EPPK1: variants seen among roughly 807,000 people sequenced by gnomAD.
The protein encoded by EPPK1 is epiplakin 1.
For synonymous variants in EPPK1, 1,862 were observed against 1,721.2 expected, an observed-to-expected ratio of 1.08 and a Z score of -2.03; for missense variants, 3,823 against 3,673.3, an observed-to-expected ratio of 1.04 and a Z score of -1.05.
In EPPK1 at chr8:143,868,982, G is replaced by A. The variant is rs781839543; in HGVS notation, c.4272C>T (p.Asp1424=). Residue 1424 remains aspartate (D), a synonymous_variant, in exon 2 of 2, where the codon GAC becomes GAT. Coordinates refer to ENST00000615648, the MANE Select transcript of EPPK1 (RefSeq NM_031308.4). ...YQQLRERCVC[D]SETGLLLLPL... is the part of the protein sequence containing the mutation. ...GCAACAGCAACAATCCGGTCTCGGAGTCGCACACGCAGCGCTCCCTGAGCT... is the reference window on the plus strand; with the variant it reads ...GCAACAGCAACAATCCGGTCTCGGAATCGCACACGCAGCGCTCCCTGAGCT... The A allele has an allele frequency of 1.9e-6, 3 of 1,610,172 alleles. No individual in the cohort carries two copies. Among genetic ancestry groups the A allele is most frequent in the Admixed American group, 3.3e-5 (2 of 60,010 alleles).
At position 143,866,535 on chromosome 8, in the gene EPPK1, T is replaced by G. The variant is rs1819111899; in HGVS notation, c.6719A>C (p.Gln2240Pro). ...LVPAKDQPGR[Q>P]EKMSIYQAMW... ...GGCCTGGTAGATGCTCATCTTCTCC[T>G]GGCGGCCGGGCTGGTCCTTGGCGGG... Residue 2240 changes from glutamine (Q) to proline (P), a missense_variant, in exon 2 of 2, where the codon CAG becomes CCG. By Grantham distance (76) the Gln-to-Pro change is moderately conservative. Coordinates refer to ENST00000615648, the MANE Select transcript of EPPK1 (RefSeq NM_031308.4). 6.9e-6 allele frequency: 11 copies of G among 1,585,962 alleles called. No individual in the cohort carries two copies. In the Admixed American group the frequency reaches 1.6e-4, roughly 23 times the overall value.
rs2130650893 is a variant in EPPK1, at chr8:143,872,666, A to G, written c.588T>C (p.Gly196=). The part of the protein sequence containing the change: ...HKLSELEPGT[G]DLRFLDPNTL... ...TGTTGGGGTCGAGGAAGCGCAGGTCACCTGTGCCAGGCTCAAGCTCTGACA... is the reference window on the plus strand; with the variant it reads ...TGTTGGGGTCGAGGAAGCGCAGGTCGCCTGTGCCAGGCTCAAGCTCTGACA... Residue 196 remains glycine, a synonymous_variant, in exon 2 of 2, where the codon GGT becomes GGC. Coordinates refer to ENST00000615648, the MANE Select transcript of EPPK1 (RefSeq NM_031308.4). 1.2e-6 allele frequency: 2 copies of G among 1,608,326 alleles called. No individual in the cohort carries two copies. Among genetic ancestry groups the G allele is most frequent in the Non-Finnish European group, 8.5e-7 (1 of 1,178,818 alleles).
chr8:143,869,737 G>A lies in EPPK1; in HGVS notation c.3517C>T (p.Pro1173Ser), dbSNP rs781982686. The change falls in exon 2 of 2, where the codon CCA becomes TCA. Residue 1173 changes from proline (P) to serine (S), a missense_variant. Transcript: ENST00000615648. ...CTCTGCACAGAGGCTAGCAGCTGTG[G>A]CACAGTGGTCCTCCCCTCCTGCACG... ...EDVQEGRTTV[P>S]QLLASVQRWV... The A allele has an allele frequency of 6.2e-6, 10 of 1,600,670 alleles. 1 individual carries two copies. The highest frequency in any genetic ancestry group is 1.1e-5 in the South Asian group (1 of 88,794).
rs139977710 is a variant in EPPK1, at chr8:143,867,202, C to T, written c.6052G>A (p.Asp2018Asn). The T allele has an allele frequency of 5.4e-4, 863 of 1,612,724 alleles. 3 individuals are homozygous for T. In the African/African-American group the frequency reaches 9.6e-3, roughly 18 times the overall value. Residue 2018 changes from aspartate to asparagine, a missense_variant, in exon 2 of 2, where the codon GAC (aspartate) becomes AAC (asparagine). Coordinates refer to ENST00000615648, the MANE Select transcript of EPPK1 (RefSeq NM_031308.4). ...EVQVATGGVI[D>N]PQHHHRLPLE... ...GGGAGCCGGTGGTGGTGCTGTGGGT[C>T]GATGACACCCCCCGTGGCCACCTGC...
chr8:143,876,533 C>A (rs1239832436), intron 1 of EPPK1, among the ~76,000 whole-genome samples: 1 of 152,180 alleles, frequency 6.6e-6, no homozygotes, highest in East Asian at 1.9e-4. Flanking sequence ...CTGCTTCCTC[C>A]TCCCTTCCCT....
rs1563880897 is a variant in EPPK1, at chr8:143,867,735, GTC to G, written c.5517_5518del (p.Glu1839AspfsTer76). 8 of 1,613,586 alleles carry G rather than the reference GTC, an allele frequency of 5.0e-6. No individual in the cohort carries two copies. Among genetic ancestry groups the G allele is most frequent in the South Asian group, 4.4e-5 (4 of 91,084 alleles). On this transcript the variant is annotated frameshift_variant, in exon 2 of 2. Transcript: ENST00000615648. LOFTEE classifies it low-confidence loss of function (END_TRUNC). ...CGCCACTTTGATGCCTTGGTTTTGCGTCTCTGTTTCTTCAATTGTCGTGGTGA... is the reference window on the plus strand; with the variant it reads ...CGCCACTTTGATGCCTTGGTTTTGCGTCTGTTTCTTCAATTGTCGTGGTGA...
chr8:143,877,351 CGAGTGTGGGGGCATCTG>C (rs1563891433), intron 1 of EPPK1, among the ~76,000 whole-genome samples: 1 of 152,052 alleles, frequency 6.6e-6, no homozygotes, highest in African/African-American at 2.4e-5. Context: ...GGTGCAGCTT[CGAGTGTGGGGGCATCTG>C]GAGGAGGTGG....
At position 143,866,625 on chromosome 8, in the gene EPPK1, A is replaced by G; in HGVS notation, c.6629T>C (p.Leu2210Pro). ...LETGRSTTQE[L>P]MEDDRVKRYL... ...GCGCTTGACGCGGTCGTCCTCCATG[A>G]GCTCTTGCGTCGTGCTCCGTCCCGT... Residue 2210 changes from leucine (L) to proline (P), a missense_variant, in exon 2 of 2, where the codon CTC (leucine) becomes CCC (proline). Coordinates refer to ENST00000615648, the MANE Select transcript of EPPK1 (RefSeq NM_031308.4). 6.2e-7 allele frequency: 1 copy of G among 1,612,894 alleles called. No individual in the cohort carries two copies. Among genetic ancestry groups the G allele is most frequent in the Non-Finnish European group, 8.5e-7 (1 of 1,179,844 alleles).
chr8:143,866,811 C>G lies in EPPK1; in HGVS notation c.6443G>C (p.Arg2148Thr), dbSNP rs1554659189. 2.5e-6 allele frequency: 4 copies of G among 1,613,476 alleles called. No individual in the cohort carries two copies. The Admixed American group carries it at 5.0e-5, about 20-fold the overall frequency. Residue 2148 changes from arginine (R) to threonine (T), a missense_variant, in exon 2 of 2, where the codon AGA becomes ACA. Coordinates refer to ENST00000615648, the MANE Select transcript of EPPK1 (RefSeq NM_031308.4). ...CTGCGCTACCGTCTGCAGTGCCCGT[C>G]TGGTGTGTGTTCTATACATCCTCAC... Reference protein sequence around the residue: ...QLVRMYRTHTRRALQTVAQLI... With the variant: ...QLVRMYRTHTTRALQTVAQLI...
In EPPK1 at chr8:143,876,890, G is replaced by A. The variant is rs192066720; in HGVS notation, c.-46+1548C>T. 3.2e-4 allele frequency among the ~76,000 whole-genome samples: 48 copies of A among 152,322 alleles called. No individual in the cohort carries two copies. The East Asian group carries it at 7.1e-3, about 23-fold the overall frequency. ...AGGGTGGGGCAGGGCCAGCGAGGGC[G>A]GGGCAGGGCCAGTGAGGGTGGGGAC... On this transcript the variant is annotated intron_variant, in intron 1 of 1. Transcript: ENST00000615648.
In EPPK1 at chr8:143,857,680, G is replaced by C; in HGVS notation, c.*307C>G. The C allele has an allele frequency of 2.8e-6, 1 of 357,872 alleles. No individual in the cohort carries two copies. The highest frequency in any genetic ancestry group is 5.0e-6 in the Non-Finnish European group (1 of 200,552). The allele number at this position is 357,872 out of a possible 1,614,324, so 22.2% of individuals were successfully genotyped here. A position where few individuals can be genotyped will look rare whatever the true frequency, so the allele number is the denominator to read the frequency against. ...CTGAGAGTCTAAAGAGTGACATTCT[G>C]TAAAATGGAAGCAGTGAATCCAAAA... On this transcript the variant is annotated 3_prime_UTR_variant, in exon 2 of 2. Coordinates refer to ENST00000615648, the MANE Select transcript of EPPK1 (RefSeq NM_031308.4).
Position 143,872,403 on chromosome 8 carries a change from G to A in EPPK1, c.851C>T (p.Thr284Ile). ...RAEVRRYLEG[T>I]GSVAGVVLLP... ...CAGGACAACCCCGGCCACGCTGCCGGTACCCTCCAGGTAGCGCCGCACCTC... is the reference window on the plus strand; with the variant it reads ...CAGGACAACCCCGGCCACGCTGCCGATACCCTCCAGGTAGCGCCGCACCTC... The change falls in exon 2 of 2, where the codon ACC becomes ATC. Residue 284 changes from threonine (T) to isoleucine (I), a missense_variant. Thr to Ile is a moderately conservative substitution (Grantham distance 89, BLOSUM62 -1). Coordinates refer to ENST00000615648, the MANE Select transcript of EPPK1 (RefSeq NM_031308.4). 7 of 1,602,592 alleles carry A rather than the reference G, an allele frequency of 4.4e-6. No homozygotes were observed. The highest frequency in any genetic ancestry group is 5.9e-6 in the Non-Finnish European group (7 of 1,179,416).
chr8:143,870,863 T>C lies in EPPK1; in HGVS notation c.2391A>G (p.Pro797=), dbSNP rs1554660948. Residue 797 remains proline (P), a synonymous_variant, in exon 2 of 2, where the codon CCA becomes CCG. Coordinates refer to ENST00000615648, the MANE Select transcript of EPPK1 (RefSeq NM_031308.4). The surrounding 1 kb of genome is among the most constrained non-coding windows in gnomAD (Gnocchi z 5.2). ...CCAGCGGGGACTGCGTGCTGCTGAG[T>C]GGCAGGAGGTACAGGCCCGTCTCGG... The part of the protein sequence containing the change: ...RDPETGLYLL[P]LSSTQSPLVD... 4 of 1,612,392 alleles carry C rather than the reference T, an allele frequency of 2.5e-6. No homozygotes were observed. Among genetic ancestry groups the C allele is most frequent in the Admixed American group, 1.7e-5 (1 of 59,988 alleles).
In EPPK1 at chr8:143,869,835, T is replaced by C. The variant is rs782137041; in HGVS notation, c.3419A>G (p.Asp1140Gly). 4 of 1,599,850 alleles carry C rather than the reference T, an allele frequency of 2.5e-6. No individual in the cohort carries two copies. The highest frequency in any genetic ancestry group is 1.3e-5 in the African/African-American group (1 of 74,648). The change falls in exon 2 of 2, where the codon GAT becomes GGT. Residue 1140 changes from aspartate (D) to glycine (G), a missense_variant. By Grantham distance (94) the Asp-to-Gly change is moderately conservative (BLOSUM62 -1). Transcript: ENST00000615648. ...RSLQAVPGAK[D>G]GTSLWDLLSS... is the part of the protein sequence containing the mutation. ...GAGCAGGTCCCAGAGGGATGTGCCA[T>C]CCTTGGCCCCCGGCACGGCCTGCAG...
intron 1 of EPPK1, among the ~76,000 whole-genome samples, chr8:143,875,944 C>G (rs183095862): frequency 2.0e-5 from 3 of 152,138 alleles, no homozygotes; most frequent in East Asian, 3.9e-4. Context: ...ACAGTGGCCC[C>G]CACCCCCCAC....
Position 143,872,978 on chromosome 8 carries a change from C to G in EPPK1, c.276G>C (p.Leu92=), listed in dbSNP as rs1554661797. The G allele has an allele frequency of 6.3e-7, 1 of 1,588,760 alleles. No homozygotes were observed. The change falls in exon 2 of 2, where the codon CTG becomes CTC. Residue 92 remains leucine, a synonymous_variant. Coordinates refer to ENST00000615648, the MANE Select transcript of EPPK1 (RefSeq NM_031308.4). ...GCTGCAGGGCCTTGGACACAGGGAG[C>G]AGCTGGCCCCGGGCGAGGTCCACCA... The part of the protein sequence containing the change: ...GGLVDLARGQ[L]LPVSKALQQG...
rs1407967351 is a variant in EPPK1 at position 143,866,827 on chromosome 8, A to G, written c.6427T>C (p.Tyr2143His). ...EEKKLQLVRMYRTHTRRALQT... is the reference protein window; with the variant it reads ...EEKKLQLVRMHRTHTRRALQT... ...AGTGCCCGTCTGGTGTGTGTTCTAT[A>G]CATCCTCACCAGCTGGAGCTTCTTC... Residue 2143 changes from tyrosine to histidine, a missense_variant, in exon 2 of 2, where the codon TAT becomes CAT. Transcript: ENST00000615648. 8 of 1,613,378 alleles carry G rather than the reference A, an allele frequency of 5.0e-6. No homozygotes were observed. The South Asian group carries it at 5.5e-5, about 11-fold the overall frequency.
In EPPK1 at chr8:143,869,507, G is replaced by A. The variant is rs367983256; in HGVS notation, c.3747C>T (p.Ala1249=). ...CCCCAGAGGGCTGTAGCAGCACACC[G>A]GCCACGCAGCCTGTGCCCCACAGGC... ...KACLWGTGCV[A]GVLLQPSGAK... The change falls in exon 2 of 2, where the codon GCC becomes GCT. Residue 1249 remains alanine (A), a synonymous_variant. Transcript: ENST00000615648. 9.2e-5 allele frequency: 143 copies of A among 1,547,632 alleles called. No homozygotes were observed. The highest frequency in any genetic ancestry group is 1.3e-4 in the Admixed American group (7 of 52,392).
rs1819308030 is a variant in EPPK1 at position 143,870,533 on chromosome 8, C to T, written c.2721G>A (p.Leu907=). Residue 907 remains leucine, a synonymous_variant, in exon 2 of 2, where the codon CTG becomes CTA. Transcript: ENST00000615648. The surrounding 1 kb of genome is among the most constrained non-coding windows in gnomAD (Gnocchi z 5.2). ...GGGCCTCCGGGCTGATTGTCCCGGCCAGCACTTGGTCCAACAGCTGCTGGT... is the reference window on the plus strand; with the variant it reads ...GGGCCTCCGGGCTGATTGTCCCGGCTAGCACTTGGTCCAACAGCTGCTGGT... ...IIDQQLLDQV[L]AGTISPEALL... is the part of the protein sequence containing the mutation. 2 of 1,610,864 alleles carry T rather than the reference C, an allele frequency of 1.2e-6. No individual in the cohort carries two copies. Among genetic ancestry groups the T allele is most frequent in the Non-Finnish European group, 8.5e-7 (1 of 1,178,960 alleles).
Sources: gnomAD v4.1 joint callset for allele counts (sites outside exome capture counted in the v4.1 genomes callset) on GRCh38, gnomAD v4.1.1 for gene constraint, Gnocchi (gnomAD v3.1) non-coding constraint, MANE v1.5 for transcripts, NCBI Gene and HGNC (gene_info 2026-07-23, HGNC 2026-07-21) for gene names.